NRG1: variants seen among roughly 807,000 people sequenced by gnomAD.
NRG1 encodes pro-neuregulin-1, membrane-bound isoform.
A neutral mutation model predicts 63.8 loss-of-function variants in NRG1; 18 were observed. The observed-to-expected ratio is 0.28, with a 90% CI of 0.19 to 0.42. NRG1 has a LOEUF of 0.42. NRG1 is among the 10% of genes least tolerant of loss of function. The pLI is 1.00. For synonymous variants in NRG1, 302 were observed against 301.3 expected, an observed-to-expected ratio of 1.00 and a Z score of -0.02; for missense variants, 762 against 814.7, an observed-to-expected ratio of 0.94 and a Z score of 0.79.
intron 1 of NRG1, among the ~76,000 whole-genome samples, chr8:31,939,768 T>C (rs1449012872): frequency 6.6e-6 from 1 of 151,294 alleles, no homozygotes; most frequent in East Asian, 1.9e-4. Context: ...GAATAGCTAT[T>C]CTTATATCAG....
chr8:32,233,563 A>ATATATTT (rs34593729), intron 1 of NRG1, among the ~76,000 whole-genome samples: 778 of 67,152 alleles, frequency 0.012, 12 homozygotes, highest in Non-Finnish European at 0.015. Flanking sequence ...ATATATATAT[A>ATATATTT]TTTTTTTTTT....
At chr8:32,697,563 G>A (rs1813693206) in intron 5 of NRG1, among the ~76,000 whole-genome samples, 1 of 152,140 alleles carries the variant, frequency 6.6e-6, no homozygotes, top group African/African-American at 2.4e-5. Flanking sequence ...GCATAAATGT[G>A]TAATGCAGTG....
chr8:32,578,743 C>G lies in NRG1; in HGVS notation c.101-17085C>G, dbSNP rs567047320. ...AATTGTTCAATAGATTTGCTGCAGACTTTTGGACCTGATCTATAGTTTTCC... is the reference window on the plus strand; with the variant it reads ...AATTGTTCAATAGATTTGCTGCAGAGTTTTGGACCTGATCTATAGTTTTCC... On this transcript the variant is annotated intron_variant, in intron 1 of 11. Transcript: ENST00000356819. 1.6e-4 allele frequency among the ~76,000 whole-genome samples: 25 copies of G among 152,160 alleles called. 1 individual carries two copies. The highest frequency in any genetic ancestry group is 5.8e-4 in the African/African-American group (24 of 41,524).
At chr8:31,987,730 C>T (rs868281274) in intron 1 of NRG1, among the ~76,000 whole-genome samples, 5 of 151,622 alleles carry the variant, frequency 3.3e-5, no homozygotes, top group Admixed American at 2.0e-4. Context: ...TGCACATGTG[C>T]CCCTGAACCT....
intron 1 of NRG1, among the ~76,000 whole-genome samples, chr8:31,732,939 T>G (rs987183320): frequency 5.3e-5 from 8 of 152,090 alleles, no homozygotes; most frequent in African/African-American, 1.7e-4. Flanking sequence ...ATTAAATAAT[T>G]TCTCATTATT....
intron 1 of NRG1, among the ~76,000 whole-genome samples, chr8:31,647,266 C>G (rs1232909077): frequency 6.6e-6 from 1 of 152,214 alleles, no homozygotes; most frequent in Non-Finnish European, 1.5e-5. Context: ...AGAAGTAATA[C>G]AAAGAGGTTT....
chr8:31,988,035 C>T (rs977171784), intron 1 of NRG1, among the ~76,000 whole-genome samples: 3 of 152,136 alleles, frequency 2.0e-5, no homozygotes, highest in African/African-American at 7.2e-5. Context: ...TTATACCACA[C>T]TGCCCCAAAG....
intron 1 of NRG1, among the ~76,000 whole-genome samples, chr8:32,371,721 G>A (rs1808886431): frequency 6.6e-6 from 1 of 152,104 alleles, no homozygotes; most frequent in Non-Finnish European, 1.5e-5. Flanking sequence ...CAGGATATCT[G>A]GCCATGCTGA....
chr8:31,704,580 C>T (rs1306082165), intron 1 of NRG1, among the ~76,000 whole-genome samples: 1 of 152,052 alleles, frequency 6.6e-6, no homozygotes, highest in Non-Finnish European at 1.5e-5. Flanking sequence ...TGCCTGTAAT[C>T]CCAGCACTTT....
At chr8:32,158,455 ATATATATATATATATATCATGTATATG>A (rs1324871176) in intron 1 of NRG1, among the ~76,000 whole-genome samples, 1 of 102,762 alleles carries the variant, frequency 9.7e-6, no homozygotes, top group Non-Finnish European at 1.8e-5. Context: ...CATGATATAT[ATATATATATATATATATCATGTATATG>A]TATATGATTT....
intron 1 of NRG1, among the ~76,000 whole-genome samples, chr8:31,972,215 A>G (rs1008638547): frequency 1.3e-5 from 2 of 152,056 alleles, no homozygotes; most frequent in East Asian, 3.9e-4. Flanking sequence ...ACTCACAAGG[A>G]GTTACAAGGC....
intron 1 of NRG1, 91 bp downstream of exon 1, chr8:32,548,917 C>G (rs960575308): frequency 2.1e-6 from 3 of 1,429,404 alleles, no homozygotes; most frequent in African/African-American, 1.4e-5. Context: ...CTCCCTCCCC[C>G]TCTCCCTCGC....
At chr8:31,786,801 G>T (rs865946719) in intron 1 of NRG1, among the ~76,000 whole-genome samples, 5 of 152,104 alleles carry the variant, frequency 3.3e-5, no homozygotes, top group Non-Finnish European at 5.9e-5. Flanking sequence ...TTCCTGGGTG[G>T]GCCGTCCTCC....
intron 1 of NRG1, among the ~76,000 whole-genome samples, chr8:32,269,478 A>G (rs1851326712): frequency 6.6e-6 from 1 of 152,094 alleles, no homozygotes; most frequent in Admixed American, 6.6e-5. Context: ...TGAAGCTTTG[A>G]TCTGCTTGTC....
intron 1 of NRG1, among the ~76,000 whole-genome samples, chr8:32,273,380 A>G (rs1018410754): frequency 1.3e-5 from 2 of 152,194 alleles, no homozygotes; most frequent in Non-Finnish European, 2.9e-5. Flanking sequence ...AAATGTCAGG[A>G]TATCTTCCAA....
chr8:32,417,347 C>T (rs1046714956), intron 1 of NRG1, among the ~76,000 whole-genome samples: 2 of 152,080 alleles, frequency 1.3e-5, no homozygotes, highest in Admixed American at 1.3e-4. Flanking sequence ...TGAACTCTCC[C>T]CAATTCAATA....
intron 1 of NRG1, among the ~76,000 whole-genome samples, chr8:31,740,758 G>A (rs1815185092): frequency 6.6e-6 from 1 of 151,968 alleles, no homozygotes; most frequent in African/African-American, 2.4e-5. Flanking sequence ...CAGTAGATGA[G>A]GGCAGAGGTG....
rs114039697 is a variant in NRG1 at position 31,756,041 on chromosome 8, C to T, written c.37+116610C>T. Among the ~76,000 whole-genome samples the T allele has an allele frequency of 4.4e-3, 677 of 152,194 alleles. 5 individuals are homozygous for T. The highest frequency in any genetic ancestry group is 0.015 in the African/African-American group (637 of 41,536). On this transcript the variant is annotated intron_variant, in intron 1 of 10. Transcript: ENST00000519301. ...ATACCCCTCTGTTTGATTAGCTAGA[C>T]ATCTAAATCCATGCAAAGCATTGTT...
chr8:31,706,710 T>A (rs1165559695), intron 1 of NRG1, among the ~76,000 whole-genome samples: 1 of 152,220 alleles, frequency 6.6e-6, no homozygotes, highest in Non-Finnish European at 1.5e-5. Context: ...ATAGAGCATG[T>A]TGTCAGCCTT....
Sources: gnomAD v4.1 joint callset for allele counts (sites outside exome capture counted in the v4.1 genomes callset) on GRCh38, gnomAD v4.1.1 for gene constraint, MANE v1.5 for transcripts, NCBI Gene and HGNC (gene_info 2026-07-23, HGNC 2026-07-21) for gene names.